LRMDA: variants seen among roughly 807,000 people sequenced by gnomAD.
The protein encoded by LRMDA is leucine rich melanocyte differentiation associated.
LRMDA carries 18 observed loss-of-function variants against 29.8 expected under a neutral mutation model. That is an observed-to-expected ratio of 0.60 (90% CI 0.42 to 0.90). The LOEUF (loss-of-function observed/expected upper bound fraction) is 0.90. Ranked by LOEUF, LRMDA falls within the 40% of genes least tolerant of loss-of-function variation. The probability of loss-of-function intolerance (pLI) is 0.00; values close to 1 mark genes in which losing one functional copy is unlikely to be tolerated. For missense variants in LRMDA, 273 were observed against 273.9 expected (o/e 1.00, Z 0.02); for synonymous variants, 125 against 109.4 (o/e 1.14, Z -0.89).
At chr10:75,769,044 G>A (rs757538909) in intron 2 of LRMDA, among the ~76,000 whole-genome samples, 21 of 152,198 alleles carry the variant, frequency 1.4e-4, no homozygotes, top group Non-Finnish European at 2.8e-4. Context: ...GACGGGCAAA[G>A]TGTACATGTC....
At chr10:75,894,226 T>C (rs1185509903) in intron 2 of LRMDA, among the ~76,000 whole-genome samples, 5 of 152,040 alleles carry the variant, frequency 3.3e-5, no homozygotes, top group Non-Finnish European at 7.4e-5. Context: ...ATCATTCTTA[T>C]GCCTTTGTGT....
At chr10:75,784,952 A>T (rs1295074129) in intron 2 of LRMDA, among the ~76,000 whole-genome samples, 1 of 152,138 alleles carries the variant, frequency 6.6e-6, no homozygotes, top group Non-Finnish European at 1.5e-5. Context: ...GCTGTGTTGA[A>T]TGTGAAGGTT....
chr10:75,636,171 A>G (rs1265740674), intron 2 of LRMDA, among the ~76,000 whole-genome samples: 4 of 152,250 alleles, frequency 2.6e-5, no homozygotes, highest in Non-Finnish European at 5.9e-5. Flanking sequence ...AAGGAAGTAC[A>G]TCAGTTATTC....
At chr10:76,214,582 G>C (rs1851696391) in intron 5 of LRMDA, among the ~76,000 whole-genome samples, 1 of 151,742 alleles carries the variant, frequency 6.6e-6, no homozygotes, top group Non-Finnish European at 1.5e-5. Context: ...CTGACCTCAT[G>C]ATCCACCCAC....
intron 2 of LRMDA, among the ~76,000 whole-genome samples, chr10:76,024,147 A>G (rs533976508): frequency 1.3e-5 from 2 of 152,360 alleles, no homozygotes; most frequent in African/African-American, 4.8e-5. Flanking sequence ...TGAGTTGACA[A>G]GATATTCCTC....
chr10:75,898,758 G>A (rs540277497), intron 2 of LRMDA, among the ~76,000 whole-genome samples: 2 of 152,172 alleles, frequency 1.3e-5, no homozygotes, highest in Non-Finnish European at 2.9e-5. Flanking sequence ...GGAAAATATA[G>A]TCCAAGGTAC....
At chr10:75,554,009 A>G (rs373662437) in intron 2 of LRMDA, among the ~76,000 whole-genome samples, 26 of 152,162 alleles carry the variant, frequency 1.7e-4, no homozygotes, top group Admixed American at 5.2e-4. Context: ...TACTTTTTTG[A>G]TGGCTACCTT....
intron 5 of LRMDA, among the ~76,000 whole-genome samples, chr10:76,241,618 A>C (rs1226709887): frequency 6.6e-6 from 1 of 152,206 alleles, no homozygotes; most frequent in Non-Finnish European, 1.5e-5. Context: ...ATGCAGCGGA[A>C]GTGGGAGGCT....
At chr10:76,048,170 T>A (rs1278610087) in intron 4 of LRMDA, among the ~76,000 whole-genome samples, 2 of 152,194 alleles carry the variant, frequency 1.3e-5, no homozygotes, top group Non-Finnish European at 1.5e-5. Flanking sequence ...AATAACTTAA[T>A]AAATTTTGTA....
At chr10:75,770,694 G>A (rs1258996899) in intron 2 of LRMDA, among the ~76,000 whole-genome samples, 1 of 152,160 alleles carries the variant, frequency 6.6e-6, no homozygotes, top group Admixed American at 6.6e-5. Flanking sequence ...GCAAGAGAAT[G>A]ATGGATGGAA....
intron 2 of LRMDA, 83 bp downstream of exon 2, chr10:75,438,577 A>T (rs1844289201): frequency 9.5e-7 from 1 of 1,052,790 alleles, no homozygotes; most frequent in Non-Finnish European, 1.4e-6. Flanking sequence ...ATAAAAGTCA[A>T]ATGTTCCAAC....
intron 6 of LRMDA, among the ~76,000 whole-genome samples, chr10:76,470,644 G>A (rs1259523888): frequency 6.6e-6 from 1 of 151,956 alleles, no homozygotes; most frequent in African/African-American, 2.4e-5. Flanking sequence ...AGACTCAAAA[G>A]GATAAATATT....
chr10:75,604,105 A>T (rs932711275), intron 2 of LRMDA, among the ~76,000 whole-genome samples: 1 of 152,088 alleles, frequency 6.6e-6, no homozygotes, highest in Non-Finnish European at 1.5e-5. Context: ...TGACCCCCCA[A>T]TGTGCCTTTA....
chr10:76,230,002 A>G (rs1852029551), intron 5 of LRMDA, among the ~76,000 whole-genome samples: 1 of 151,902 alleles, frequency 6.6e-6, no homozygotes, highest in Non-Finnish European at 1.5e-5. Flanking sequence ...GCCCCCTGGG[A>G]CCAATTATTA....
chr10:76,442,615 T>C (rs1277705837), intron 6 of LRMDA, among the ~76,000 whole-genome samples: 1 of 151,960 alleles, frequency 6.6e-6, no homozygotes, highest in African/African-American at 2.4e-5. Context: ...ATTGCTTGAG[T>C]GGGGAGGTGA....
At chr10:75,517,007 T>G (rs1362227676) in intron 2 of LRMDA, among the ~76,000 whole-genome samples, 1 of 152,098 alleles carries the variant, frequency 6.6e-6, no homozygotes. Flanking sequence ...ATCACATGGT[T>G]GTAGTTGTGT....
chr10:76,367,758 A>G (rs1841408404), intron 6 of LRMDA, among the ~76,000 whole-genome samples: 1 of 152,056 alleles, frequency 6.6e-6, no homozygotes, highest in Admixed American at 6.6e-5. Context: ...GGTAATTTTT[A>G]AATGACCATT....
intron 1 of LRMDA, among the ~76,000 whole-genome samples, chr10:75,433,505 G>A (rs1169555236): frequency 2.6e-5 from 4 of 152,302 alleles, no homozygotes; most frequent in Admixed American, 1.3e-4. Flanking sequence ...AACTGCCCAG[G>A]TTAGTGGATT....
chr10:75,910,124 C>T (rs1406092787), intron 2 of LRMDA, among the ~76,000 whole-genome samples: 1 of 152,174 alleles, frequency 6.6e-6, no homozygotes, highest in Admixed American at 6.5e-5. Flanking sequence ...TTTTTCATTT[C>T]ACCTCCACTC....
Sources: gnomAD v4.1 joint callset for allele counts (sites outside exome capture counted in the v4.1 genomes callset) on GRCh38, gnomAD v4.1.1 for gene constraint, MANE v1.5 for transcripts, NCBI Gene and HGNC (gene_info 2026-07-23, HGNC 2026-07-21) for gene names.